The following SPAG16 variants were observed in gnomAD, a reference collection of about 807,000 sequenced individuals.
The protein encoded by SPAG16 is sperm-associated antigen 16 protein.
SPAG16 carries 86 observed loss-of-function variants against 80.4 expected under a neutral mutation model. That is an observed-to-expected ratio of 1.07 (90% CI 0.90 to 1.28). SPAG16 has a LOEUF of 1.28. Among genes scored for constraint, SPAG16 ranks in the 50% most tolerant of loss-of-function variants. SPAG16 has a pLI of 0.00. For missense variants in SPAG16, 870 were observed against 765.3 expected (o/e 1.14, Z -1.61); for synonymous variants, 294 against 265.9 (o/e 1.11, Z -1.03).
chr2:213,721,246 C>T (rs2066521382), intron 10 of SPAG16, among the ~76,000 whole-genome samples: 1 of 152,034 alleles, frequency 6.6e-6, no homozygotes, highest in Non-Finnish European at 1.5e-5. Flanking sequence ...TTAAAGGCAC[C>T]TGCCAACCCG....
intron 10 of SPAG16, among the ~76,000 whole-genome samples, chr2:213,689,857 C>T (rs2064864814): frequency 6.6e-6 from 1 of 151,770 alleles, no homozygotes; most frequent in African/African-American, 2.4e-5. Flanking sequence ...GAGAGGCTAT[C>T]CTACTCCAGA....
chr2:214,304,646 CTG>C (rs1029169097), intron 15 of SPAG16, among the ~76,000 whole-genome samples: 1 of 152,240 alleles, frequency 6.6e-6, no homozygotes, highest in East Asian at 1.9e-4. Flanking sequence ...CTCTATATTT[CTG>C]TGTGTGTGTC....
At chr2:213,546,602 A>G (rs1320723385) in intron 10 of SPAG16, among the ~76,000 whole-genome samples, 2 of 152,220 alleles carry the variant, frequency 1.3e-5, no homozygotes, top group Non-Finnish European at 2.9e-5. Context: ...AATAAAAACT[A>G]TATGAGAATT....
chr2:214,020,344 T>C (rs993798269), intron 13 of SPAG16, among the ~76,000 whole-genome samples: 4 of 152,188 alleles, frequency 2.6e-5, no homozygotes, highest in African/African-American at 4.8e-5. Flanking sequence ...ATTTTATGTA[T>C]GTAATACTTT....
Position 213,621,353 on chromosome 2 carries a change from T to C in SPAG16, c.1070+131263T>C, listed in dbSNP as rs572552095. Reference sequence around the variant, plus strand: ...GAGAATATACTCATGAAAAGATAAGTAACAATTTAAACAATACACATCACA... The same window carrying C: ...GAGAATATACTCATGAAAAGATAAGCAACAATTTAAACAATACACATCACA... On this transcript the variant is annotated intron_variant, in intron 10 of 15. Transcript: ENST00000331683. 7.2e-5 allele frequency among the ~76,000 whole-genome samples: 11 copies of C among 152,280 alleles called. 1 individual carries two copies. The highest frequency in any genetic ancestry group is 2.6e-4 in the African/African-American group (11 of 41,576).
chr2:214,278,095 G>A (rs1286766179), intron 15 of SPAG16, among the ~76,000 whole-genome samples: 1 of 152,122 alleles, frequency 6.6e-6, no homozygotes, highest in African/African-American at 2.4e-5. Flanking sequence ...AGTGAGCAAG[G>A]TTCTGTGGGC....
intron 10 of SPAG16, among the ~76,000 whole-genome samples, chr2:213,744,771 C>G (rs991441692): frequency 3.3e-5 from 5 of 152,164 alleles, no homozygotes; most frequent in Non-Finnish European, 1.5e-5. Flanking sequence ...CACACTGCAA[C>G]TGGATACATA....
chr2:213,796,831 A>G lies in SPAG16; in HGVS notation c.1071-65654A>G, dbSNP rs574279565. 2.0e-5 allele frequency among the ~76,000 whole-genome samples: 3 copies of G among 152,222 alleles called. No individual in the cohort carries two copies. In the South Asian group the frequency reaches 6.2e-4, roughly 32 times the overall value. ...AGTGTACTTCTACTTATTAAAAAAA[A>G]GTTAACTATAAAATAGTCTCAGGCA... On this transcript the variant is annotated intron_variant, in intron 10 of 15. Transcript: ENST00000331683.
chr2:214,206,716 G>A (rs1379457738), intron 15 of SPAG16, among the ~76,000 whole-genome samples: 2 of 152,120 alleles, frequency 1.3e-5, no homozygotes, highest in Non-Finnish European at 2.9e-5. Context: ...CATAATGGCT[G>A]TACTAAGTTA....
intron 10 of SPAG16, among the ~76,000 whole-genome samples, chr2:213,735,732 C>T (rs557640121): frequency 6.6e-6 from 1 of 152,178 alleles, no homozygotes; most frequent in Non-Finnish European, 1.5e-5. Context: ...TGTTCCATCT[C>T]TGTGTTTAGG....
At chr2:213,608,865 C>A (rs1027709153) in intron 10 of SPAG16, among the ~76,000 whole-genome samples, 2 of 152,124 alleles carry the variant, frequency 1.3e-5, no homozygotes, top group African/African-American at 2.4e-5. Context: ...TTTGCATTTT[C>A]AGTAGAGACG....
chr2:213,564,490 G>A (rs1254498882), intron 10 of SPAG16, among the ~76,000 whole-genome samples: 2 of 130,896 alleles, frequency 1.5e-5, no homozygotes, highest in Admixed American at 1.6e-4. Flanking sequence ...GTGGGACTCT[G>A]TCTTAAAAAA....
chr2:213,693,462 C>T (rs1431205573), intron 10 of SPAG16, among the ~76,000 whole-genome samples: 1 of 152,160 alleles, frequency 6.6e-6, no homozygotes, highest in Admixed American at 6.5e-5. Context: ...ATTTATTTAC[C>T]TTCCATTATA....
intron 10 of SPAG16, among the ~76,000 whole-genome samples, chr2:213,860,030 C>T (rs997037352): frequency 2.6e-4 from 25 of 95,848 alleles, no homozygotes; most frequent in Non-Finnish European, 2.7e-4. Flanking sequence ...ACAGTTATGT[C>T]TCATTATGGA....
intron 11 of SPAG16, among the ~76,000 whole-genome samples, chr2:213,874,563 A>G (rs2076071998): frequency 6.6e-6 from 1 of 152,150 alleles, no homozygotes; most frequent in Admixed American, 6.6e-5. Flanking sequence ...CCCTTAAACA[A>G]CTAGCAGTGC....
At chr2:213,652,774 T>C (rs751327721) in intron 10 of SPAG16, among the ~76,000 whole-genome samples, 3 of 152,162 alleles carry the variant, frequency 2.0e-5, no homozygotes, top group East Asian at 1.9e-4. Context: ...TTGTGAGATA[T>C]ATGGTTTACA....
At chr2:214,075,863 T>G (rs2051049657) in intron 13 of SPAG16, among the ~76,000 whole-genome samples, 1 of 152,318 alleles carries the variant, frequency 6.6e-6, no homozygotes, top group South Asian at 2.1e-4. Context: ...ATTCAAGAAC[T>G]GTGCTGGAGT....
intron 15 of SPAG16, among the ~76,000 whole-genome samples, chr2:214,243,453 T>C (rs1260817478): frequency 1.3e-5 from 2 of 152,094 alleles, no homozygotes; most frequent in Admixed American, 1.3e-4. Context: ...CCTAATTTTT[T>C]TGAGTCATAT....
chr2:214,150,809 A>C (rs1199754304), intron 15 of SPAG16, among the ~76,000 whole-genome samples: 2 of 152,044 alleles, frequency 1.3e-5, no homozygotes, highest in African/African-American at 2.4e-5. Context: ...TCCAGCCCAA[A>C]AGTTATTTGC....
Sources: allele counts gnomAD v4.1 joint callset (sites outside exome capture counted in the v4.1 genomes callset), GRCh38; gene constraint gnomAD v4.1.1; transcripts MANE v1.5; gene names NCBI Gene and HGNC (gene_info 2026-07-23, HGNC 2026-07-21).